The following RCL1 variants were observed in gnomAD, a reference collection of about 807,000 sequenced individuals.
RCL1 encodes RNA 3'-terminal phosphate cyclase-like protein.
A neutral mutation model predicts 42.4 loss-of-function variants in RCL1; 24 were observed. That is an observed-to-expected ratio of 0.57 (90% CI 0.41 to 0.80). RCL1 has a LOEUF of 0.80. Among genes scored for constraint, RCL1 ranks in the 30% least tolerant of loss-of-function variants. The probability of loss-of-function intolerance (pLI) is 0.00; values close to 1 mark genes in which losing one functional copy is unlikely to be tolerated. For missense variants in RCL1, 578 were observed against 467.9 expected (o/e 1.24, Z -2.17); for synonymous variants, 228 against 177.3 (o/e 1.29, Z -2.27).
At chr9:4,798,335 A>C (rs1842946078) in intron 1 of RCL1, among the ~76,000 whole-genome samples, 1 of 152,224 alleles carries the variant, frequency 6.6e-6, no homozygotes, top group Non-Finnish European at 1.5e-5. Flanking sequence ...AAGTTGGAAT[A>C]GCAGAAATAA....
chr9:4,793,538 G>C (rs1287859747), intron 1 of RCL1, among the ~76,000 whole-genome samples: 1 of 152,230 alleles, frequency 6.6e-6, no homozygotes, highest in Non-Finnish European at 1.5e-5. Context: ...CGTCCCTTCG[G>C]CCCCTCTTGC....
intron 1 of RCL1, among the ~76,000 whole-genome samples, chr9:4,796,949 A>G (rs1369530087): frequency 3.3e-5 from 5 of 152,236 alleles, no homozygotes; most frequent in Non-Finnish European, 7.3e-5. Flanking sequence ...AGAAATCTCC[A>G]TATGAAAGAA....
In RCL1 at chr9:4,826,989, A is replaced by G. The variant is rs1184879839; in HGVS notation, c.340A>G (p.Lys114Glu). The change falls in exon 3 of 9, where the codon AAA becomes GAA. Residue 114 changes from lysine (K) to glutamate (E), a missense_variant. Physicochemically the swap from Lys to Glu is moderately conservative, Grantham distance 56. Coordinates refer to ENST00000381750, the MANE Select transcript of RCL1 (RefSeq NM_005772.5). ...CLAPFMKHPL[K>E]IVLRGVTNDQ... ...GGCTCCATTTATGAAGCACCCGTTAAAAATAGTTCTACGAGGAGTGACCAA... is the reference window on the plus strand; with the variant it reads ...GGCTCCATTTATGAAGCACCCGTTAGAAATAGTTCTACGAGGAGTGACCAA... 1.1e-5 allele frequency: 17 copies of G among 1,614,044 alleles called. No homozygotes were observed. Among genetic ancestry groups the G allele is most frequent in the African/African-American group, 2.7e-5 (2 of 74,912 alleles).
intron 1 of RCL1, among the ~76,000 whole-genome samples, chr9:4,796,821 TGC>T (rs1491394141): frequency 1.2e-4 from 18 of 151,190 alleles, no homozygotes; most frequent in African/African-American, 4.4e-4. Flanking sequence ...TTGTGAATAG[TGC>T]TGCAATAAAC....
chr9:4,839,684 C>T (rs762445846), intron 5 of RCL1: 19 of 985,260 alleles, frequency 1.9e-5, no homozygotes, highest in Non-Finnish European at 2.3e-5. Context: ...TTGCTCTTTC[C>T]TCATTTCAGG....
chr9:4,798,184 C>A (rs1449228470), intron 1 of RCL1, among the ~76,000 whole-genome samples: 3 of 152,158 alleles, frequency 2.0e-5, no homozygotes, highest in Non-Finnish European at 4.4e-5. Context: ...CTGGGTGTTC[C>A]TCATCAGTAT....
intron 5 of RCL1, among the ~76,000 whole-genome samples, chr9:4,837,600 A>G (rs1158536476): frequency 6.6e-6 from 1 of 152,196 alleles, no homozygotes; most frequent in Non-Finnish European, 1.5e-5. Flanking sequence ...CATGGGTTTC[A>G]TCACAGTGGG....
intron 2 of RCL1, among the ~76,000 whole-genome samples, chr9:4,824,441 G>GTCTTCCTTAATATT (rs1459600946): frequency 2.0e-5 from 3 of 149,858 alleles, no homozygotes; most frequent in Non-Finnish European, 1.5e-5. Flanking sequence ...GCACATGCAG[G>GTCTTCCTTAATATT]TCTTCCTTAA....
At chr9:4,839,838 CATATGTGA>C in intron 5 of RCL1, 1 of 984,720 alleles carries the variant, frequency 1.0e-6, no homozygotes, top group Non-Finnish European at 1.2e-6. Context: ...ACAAAATGTG[CATATGTGA>C]AGAGAGATGT....
intron 1 of RCL1, among the ~76,000 whole-genome samples, chr9:4,810,586 T>C (rs528584185): frequency 1.3e-5 from 2 of 152,290 alleles, no homozygotes; most frequent in East Asian, 3.9e-4. Flanking sequence ...AAAATTTGGC[T>C]TGTTTCCACT....
chr9:4,814,569 C>T (rs1816305013), intron 1 of RCL1, among the ~76,000 whole-genome samples: 2 of 152,200 alleles, frequency 1.3e-5, no homozygotes, highest in South Asian at 4.1e-4. Flanking sequence ...ACTTAGCCTC[C>T]TGTCCTTATA....
chr9:4,831,971 A>G (rs531725131), intron 3 of RCL1, among the ~76,000 whole-genome samples: 1 of 152,344 alleles, frequency 6.6e-6, no homozygotes, highest in African/African-American at 2.4e-5. Context: ...GACCAGGACT[A>G]GGGCTTTTCC....
intron 7 of RCL1, among the ~76,000 whole-genome samples, chr9:4,847,651 G>T (rs1368122210): frequency 6.6e-6 from 1 of 152,146 alleles, no homozygotes; most frequent in Admixed American, 6.5e-5. Flanking sequence ...ATACTGATCT[G>T]ATCTCTTCAC....
At chr9:4,843,198 G>A (rs896537975) in intron 6 of RCL1, among the ~76,000 whole-genome samples, 8 of 152,136 alleles carry the variant, frequency 5.3e-5, no homozygotes, top group Admixed American at 2.6e-4. Context: ...TCATGGATGG[G>A]TATTTCTCTC....
In RCL1 at chr9:4,799,781, C is replaced by G. The variant is rs79906143; in HGVS notation, c.136+6554C>G. On this transcript the variant is annotated intron_variant, in intron 1 of 8. Transcript: ENST00000381750. Reference sequence around the variant, plus strand: ...ATTTTTATTTTTTGTCACTACCTCCCTGGGTTGGGAGTGGGTAATTTGCAT... The same window carrying G: ...ATTTTTATTTTTTGTCACTACCTCCGTGGGTTGGGAGTGGGTAATTTGCAT... 3.0e-4 allele frequency among the ~76,000 whole-genome samples: 45 copies of G among 152,246 alleles called. No individual in the cohort carries two copies. The East Asian group carries it at 8.5e-3, about 29-fold the overall frequency.
chr9:4,845,514 G>A (rs767655857), intron 7 of RCL1, among the ~76,000 whole-genome samples: 14 of 152,286 alleles, frequency 9.2e-5, no homozygotes, highest in Middle Eastern at 3.4e-3. Context: ...GGAGAAATTT[G>A]GAAAGATGAT....
chr9:4,818,181 A>G (rs1318597380), intron 1 of RCL1, among the ~76,000 whole-genome samples: 1 of 151,996 alleles, frequency 6.6e-6, no homozygotes, highest in African/African-American at 2.4e-5. Context: ...TCGGCCTCCC[A>G]TAGTGCTGGG....
chr9:4,822,281 G>A (rs1043016681), intron 1 of RCL1, among the ~76,000 whole-genome samples: 3 of 152,184 alleles, frequency 2.0e-5, no homozygotes, highest in Admixed American at 2.0e-4. Context: ...TTTATTACAG[G>A]AGTGGGAATT....
chr9:4,829,782 T>C (rs1816889656), intron 3 of RCL1, among the ~76,000 whole-genome samples: 1 of 152,214 alleles, frequency 6.6e-6, no homozygotes, highest in Non-Finnish European at 1.5e-5. Flanking sequence ...CTCCAGATTT[T>C]ACATTATGAT....
Sources: gnomAD v4.1 joint callset for allele counts (sites outside exome capture counted in the v4.1 genomes callset) on GRCh38, gnomAD v4.1.1 for gene constraint, MANE v1.5 for transcripts, NCBI Gene and HGNC (gene_info 2026-07-23, HGNC 2026-07-21) for gene names.